Variants in NXPH1 observed in about 807,000 individuals in gnomAD.
The protein encoded by NXPH1 is neurexophilin 1.
A neutral mutation model predicts 23.7 loss-of-function variants in NXPH1; 5 were observed. The observed-to-expected ratio is 0.21, with a 90% CI of 0.11 to 0.44. The LOEUF (loss-of-function observed/expected upper bound fraction) is 0.44. Among genes scored for constraint, NXPH1 ranks in the 20% least tolerant of loss-of-function variants. The pLI, the probability that NXPH1 is intolerant of heterozygous loss-of-function variation, is 0.99. For synonymous variants in NXPH1, 144 were observed against 122.2 expected (o/e 1.18, Z -1.18); for missense variants, 324 against 321.6 (o/e 1.01, Z -0.06).
At chr7:8,486,615 T>G (rs1817163019) in intron 2 of NXPH1, among the ~76,000 whole-genome samples, 1 of 152,180 alleles carries the variant, frequency 6.6e-6, no homozygotes, top group African/African-American at 2.4e-5. Flanking sequence ...GTAGATTAAT[T>G]AAGCGAGATA....
At chr7:8,503,521 T>G (rs1461176425) in intron 2 of NXPH1, among the ~76,000 whole-genome samples, 1 of 151,984 alleles carries the variant, frequency 6.6e-6, no homozygotes, top group East Asian at 1.9e-4. Context: ...TAGCACAAAG[T>G]TTTCTTGATA....
chr7:8,738,582 A>T (rs1442671041), intron 2 of NXPH1, among the ~76,000 whole-genome samples: 2 of 152,182 alleles, frequency 1.3e-5, no homozygotes, highest in East Asian at 1.9e-4. Flanking sequence ...GGTATCTCCC[A>T]GTCAGGAGGC....
rs190889823 is a variant in NXPH1 at position 8,465,663 on chromosome 7, T to C, written c.54+29896T>C. The stretch of plus-strand genomic sequence containing the variant: ...ACAACATCCATTCTGCTGCTGACAC[T>C]CTGCTCTCCCTGGTGGCACTTACAC... On this transcript the variant is annotated intron_variant, in intron 2 of 2. Coordinates refer to ENST00000405863, the MANE Select transcript of NXPH1 (RefSeq NM_152745.3). 4.6e-4 allele frequency among the ~76,000 whole-genome samples: 70 copies of C among 152,314 alleles called. 1 individual carries two copies. Among genetic ancestry groups the C allele is most frequent in the Middle Eastern group, 3.4e-3 (1 of 294 alleles).
chr7:8,451,574 A>T (rs536929785), intron 2 of NXPH1, among the ~76,000 whole-genome samples: 1 of 152,338 alleles, frequency 6.6e-6, no homozygotes, highest in South Asian at 2.1e-4. Flanking sequence ...ATTTTGTTTG[A>T]TAGTAAAAAG....
chr7:8,591,880 A>T (rs1239750673), intron 2 of NXPH1, among the ~76,000 whole-genome samples: 1 of 147,326 alleles, frequency 6.8e-6, no homozygotes, highest in Non-Finnish European at 1.5e-5. Flanking sequence ...CTTTAGTTGC[A>T]CTTCCTTATG....
intron 2 of NXPH1, among the ~76,000 whole-genome samples, chr7:8,493,403 T>C (rs1817283873): frequency 6.6e-6 from 1 of 152,036 alleles, no homozygotes; most frequent in Non-Finnish European, 1.5e-5. Context: ...GTAATTGGTA[T>C]ATCAGACTGC....
intron 2 of NXPH1, among the ~76,000 whole-genome samples, chr7:8,628,287 G>C (rs557063420): frequency 1.3e-5 from 2 of 151,192 alleles, no homozygotes; most frequent in African/African-American, 4.8e-5. Context: ...ATCTATCTTC[G>C]AAGTTTCAGT....
intron 2 of NXPH1, among the ~76,000 whole-genome samples, chr7:8,539,744 A>C (rs1480298081): frequency 6.6e-6 from 1 of 151,802 alleles, no homozygotes; most frequent in Non-Finnish European, 1.5e-5. Flanking sequence ...ACAAACAAAA[A>C]TTAAGGTTAT....
rs756450856 is a variant in NXPH1 at position 8,751,044 on chromosome 7, G to A, written c.91G>A (p.Glu31Lys). ...CANLTNGGKS[E>K]LLKSGSSKST... ...CAATTTAACGAACGGTGGAAAGTCA[G>A]AACTTCTGAAATCAGGAAGCAGCAA... Residue 31 changes from glutamate to lysine, a missense_variant, in exon 3 of 3, where the codon GAA becomes AAA. Glu to Lys is a moderately conservative substitution (Grantham distance 56, BLOSUM62 1). Transcript: ENST00000405863. This position sits in a 1 kb window ranked among gnomAD's most constrained non-coding sequence, Gnocchi z 4.5. 1.2e-5 allele frequency: 19 copies of A among 1,613,682 alleles called. No individual in the cohort carries two copies. The highest frequency in any genetic ancestry group is 1.4e-5 in the Non-Finnish European group (17 of 1,179,756).
At chr7:8,479,062 CTGTT>C (rs1317663666) in intron 2 of NXPH1, among the ~76,000 whole-genome samples, 1 of 152,038 alleles carries the variant, frequency 6.6e-6, no homozygotes, top group Non-Finnish European at 1.5e-5. Flanking sequence ...GTTAAAAATA[CTGTT>C]TGTTAACTGG....
chr7:8,469,972 C>T (rs1349352380), intron 2 of NXPH1, among the ~76,000 whole-genome samples: 1 of 152,108 alleles, frequency 6.6e-6, no homozygotes, highest in Non-Finnish European at 1.5e-5. Context: ...TTCCAAAGCC[C>T]ATGTCCCTCT....
intron 2 of NXPH1, among the ~76,000 whole-genome samples, chr7:8,645,825 C>G (rs180787938): frequency 6.6e-6 from 1 of 152,164 alleles, no homozygotes; most frequent in East Asian, 1.9e-4. Context: ...ACCATTATTT[C>G]TCCACTGATA....
chr7:8,721,866 G>A (rs1779976184), intron 2 of NXPH1, among the ~76,000 whole-genome samples: 1 of 152,188 alleles, frequency 6.6e-6, no homozygotes, highest in East Asian at 1.9e-4. Context: ...GTGAGACTAT[G>A]AAATAAACAT....
chr7:8,517,973 C>T (rs1341074170), intron 2 of NXPH1, among the ~76,000 whole-genome samples: 1 of 152,058 alleles, frequency 6.6e-6, no homozygotes, highest in African/African-American at 2.4e-5. Flanking sequence ...TCCACCACTG[C>T]AATATTCATC....
At chr7:8,497,264 A>G (rs1285765346) in intron 2 of NXPH1, among the ~76,000 whole-genome samples, 1 of 152,104 alleles carries the variant, frequency 6.6e-6, no homozygotes, top group African/African-American at 2.4e-5. Flanking sequence ...TCTATCATTG[A>G]TGGACATTTG....
chr7:8,622,851 G>A (rs1021119366), intron 2 of NXPH1, among the ~76,000 whole-genome samples: 3 of 152,140 alleles, frequency 2.0e-5, no homozygotes, highest in Non-Finnish European at 4.4e-5. Context: ...ATTTTGAGGT[G>A]GGACATAACT....
In NXPH1 at chr7:8,663,358, C is replaced by T. The variant is rs539589381; in HGVS notation, c.55-87650C>T. 2.6e-5 allele frequency among the ~76,000 whole-genome samples: 4 copies of T among 152,030 alleles called. No homozygotes were observed. In the South Asian group the frequency reaches 8.3e-4, roughly 32 times the overall value. On this transcript the variant is annotated intron_variant, in intron 2 of 2. Transcript: ENST00000405863. ...GACATTTAACTATGGGCCCCATCAT[C>T]CTTTCTGGTCTCACGATCCATCTGA...
intron 2 of NXPH1, among the ~76,000 whole-genome samples, chr7:8,443,684 T>C (rs1264105728): frequency 6.6e-6 from 1 of 152,168 alleles, no homozygotes. Context: ...ATATTTGCTA[T>C]CGAAAGTTCC....
At chr7:8,700,748 C>A (rs1044128958) in intron 2 of NXPH1, among the ~76,000 whole-genome samples, 1 of 152,098 alleles carries the variant, frequency 6.6e-6, no homozygotes, top group African/African-American at 2.4e-5. Flanking sequence ...TTCTGGACAT[C>A]TTTACCTGGT....
Sources: gnomAD v4.1 joint callset for allele counts (sites outside exome capture counted in the v4.1 genomes callset) on GRCh38, gnomAD v4.1.1 for gene constraint, Gnocchi (gnomAD v3.1) non-coding constraint, MANE v1.5 for transcripts, NCBI Gene and HGNC (gene_info 2026-07-23, HGNC 2026-07-21) for gene names.